AIG1: variants seen among roughly 807,000 people sequenced by gnomAD.
The protein encoded by AIG1 is androgen induced 1, also known as androgen-induced gene 1 protein.
In AIG1, 23 loss-of-function variants were observed where a neutral mutation model predicts 31.4. The ratio of observed to expected loss-of-function variants is 0.73; its 90% CI spans 0.53 to 1.04. The LOEUF (loss-of-function observed/expected upper bound fraction) is 1.04. Among genes scored for constraint, AIG1 ranks in the 50% least tolerant of loss-of-function variants. The pLI is 0.00. For synonymous variants in AIG1, 100 were observed against 110.5 expected, an observed-to-expected ratio of 0.90 and a Z score of 0.60; for missense variants, 274 against 295.0, an observed-to-expected ratio of 0.93 and a Z score of 0.52.
intron 3 of AIG1, among the ~76,000 whole-genome samples, chr6:143,176,417 A>G (rs1788163388): frequency 6.6e-6 from 1 of 151,988 alleles, no homozygotes; most frequent in Non-Finnish European, 1.5e-5. Flanking sequence ...CTCTCAAGAG[A>G]TTGTTTTTTG....
intron 2 of AIG1, among the ~76,000 whole-genome samples, chr6:143,158,540 G>A (rs1441627474): frequency 6.6e-6 from 1 of 152,170 alleles, no homozygotes; most frequent in African/African-American, 2.4e-5. Context: ...TTTCACTTCT[G>A]TTTGTCGTTC....
chr6:143,215,175 A>G (rs914881981), intron 3 of AIG1, among the ~76,000 whole-genome samples: 2 of 152,162 alleles, frequency 1.3e-5, no homozygotes, highest in African/African-American at 4.8e-5. Context: ...ATGCACACCA[A>G]CTGATTAAAC....
At chr6:143,285,390 T>G (rs1340373714) in intron 4 of AIG1, among the ~76,000 whole-genome samples, 2 of 150,512 alleles carry the variant, frequency 1.3e-5, no homozygotes, top group Non-Finnish European at 3.0e-5. Context: ...AGCTGGGTGC[T>G]GTGGCTCACG....
intron 4 of AIG1, among the ~76,000 whole-genome samples, chr6:143,312,619 T>C (rs1466667801): frequency 6.6e-6 from 1 of 151,974 alleles, no homozygotes; most frequent in Non-Finnish European, 1.5e-5. Flanking sequence ...TAAGAAACAT[T>C]GGGGAAATTC....
At chr6:143,078,420 A>G (rs1156688990) in intron 1 of AIG1, among the ~76,000 whole-genome samples, 1 of 152,104 alleles carries the variant, frequency 6.6e-6, no homozygotes, top group Non-Finnish European at 1.5e-5. Flanking sequence ...GGCTCTTTGT[A>G]TGTCAAATTG....
rs571133527 is a variant in AIG1 at position 143,322,794 on chromosome 6, G to A, written c.516-10488G>A. On this transcript the variant is annotated intron_variant, in intron 4 of 5. Coordinates refer to ENST00000357847, the MANE Select transcript of AIG1 (RefSeq NM_016108.4). ...AAGAAAGCACATTACCTCATTACAG[G>A]AATTCATTCTGGGAGGCATTCACAA... Among the ~76,000 whole-genome samples, 14 of 152,334 alleles carry A rather than the reference G, an allele frequency of 9.2e-5. No homozygotes were observed. In the South Asian group the frequency reaches 2.9e-3, roughly 32 times the overall value.
chr6:143,083,499 C>T (rs1461509989), intron 1 of AIG1, among the ~76,000 whole-genome samples: 1 of 152,144 alleles, frequency 6.6e-6, no homozygotes, highest in African/African-American at 2.4e-5. Flanking sequence ...CACTCTGCTT[C>T]CTCTAGTATT....
chr6:143,125,410 C>G (rs1782608921), intron 1 of AIG1, among the ~76,000 whole-genome samples: 1 of 152,176 alleles, frequency 6.6e-6, no homozygotes, highest in Non-Finnish European at 1.5e-5. Flanking sequence ...GTGCTTTGTA[C>G]ATAGCAATCA....
intron 1 of AIG1, among the ~76,000 whole-genome samples, chr6:143,081,099 C>G (rs1416744921): frequency 6.6e-6 from 1 of 152,176 alleles, no homozygotes; most frequent in Admixed American, 6.5e-5. Context: ...CTCATATGGA[C>G]TAAGTCCTGC....
chr6:143,242,083 G>A lies in AIG1; in HGVS notation c.400-42027G>A, dbSNP rs118101976. 2.1e-3 allele frequency among the ~76,000 whole-genome samples: 324 copies of A among 152,184 alleles called. 3 individuals are homozygous for A. The East Asian group carries it at 0.021, about 10-fold the overall frequency. ...GCTGTGTTTTGATCTCTGTCGACACGTCTCCCCCTCCAGGATAAAGAGGAA... is the reference window on the plus strand; with the variant it reads ...GCTGTGTTTTGATCTCTGTCGACACATCTCCCCCTCCAGGATAAAGAGGAA... On this transcript the variant is annotated intron_variant, in intron 3 of 5. Coordinates refer to ENST00000357847, the MANE Select transcript of AIG1 (RefSeq NM_016108.4).
Position 143,297,272 on chromosome 6 carries a change from G to T in AIG1, c.515+13047G>T, listed in dbSNP as rs1347380233. ...CAGATGGCCTAGAAGCAACGGAGAG[G>T]AAACCATAGTCAGGGAGCCAAAGCA... On this transcript the variant is annotated intron_variant, in intron 4 of 5. Coordinates refer to ENST00000357847, the MANE Select transcript of AIG1 (RefSeq NM_016108.4). This position sits in a 1 kb window ranked among gnomAD's most constrained non-coding sequence, Gnocchi z 5.1. Among the ~76,000 whole-genome samples, 2 of 152,142 alleles carry T rather than the reference G, an allele frequency of 1.3e-5. No homozygotes were observed. Among genetic ancestry groups the T allele is most frequent in the Non-Finnish European group, 2.9e-5 (2 of 68,020 alleles).
At chr6:143,142,674 A>G (rs1201954884) in intron 2 of AIG1, among the ~76,000 whole-genome samples, 1 of 152,156 alleles carries the variant, frequency 6.6e-6, no homozygotes, top group Non-Finnish European at 1.5e-5. Flanking sequence ...TGACCTTCTT[A>G]TCTGAGTTTA....
At chr6:143,190,334 CT>C (rs1789676738) in intron 3 of AIG1, 1 of 985,348 alleles carries the variant, frequency 1.0e-6, no homozygotes, top group African/African-American at 1.7e-5. Context: ...GCTTTTGATG[CT>C]TGAGGCTCCT....
chr6:143,305,093 T>G (rs553495566), intron 4 of AIG1, among the ~76,000 whole-genome samples: 1 of 152,346 alleles, frequency 6.6e-6, no homozygotes, highest in Non-Finnish European at 1.5e-5. Context: ...CATTTTTTAT[T>G]GTGTCTATCG....
intron 3 of AIG1, among the ~76,000 whole-genome samples, chr6:143,224,849 C>A (rs1203372600): frequency 1.3e-5 from 2 of 152,164 alleles, no homozygotes; most frequent in African/African-American, 4.8e-5. Context: ...AACCAGGTTC[C>A]TTGCCTTCCA....
Position 143,117,869 on chromosome 6 carries a change from G to A in AIG1, c.142-18966G>A, listed in dbSNP as rs185156494. Among the ~76,000 whole-genome samples, 33 of 152,158 alleles carry A rather than the reference G, an allele frequency of 2.2e-4. No individual in the cohort carries two copies. The East Asian group carries it at 5.8e-3, about 27-fold the overall frequency. ...TACCTTCACTCTGTTCACTGTGGCCGCCTCCAAAAACATTGTGTTTGTTTA... is the reference window on the plus strand; with the variant it reads ...TACCTTCACTCTGTTCACTGTGGCCACCTCCAAAAACATTGTGTTTGTTTA... On this transcript the variant is annotated intron_variant, in intron 1 of 5. Transcript: ENST00000357847.
At chr6:143,217,400 T>A (rs1404263523) in intron 3 of AIG1, among the ~76,000 whole-genome samples, 1 of 152,242 alleles carries the variant, frequency 6.6e-6, no homozygotes, top group Admixed American at 6.5e-5. Flanking sequence ...TACACCCCAC[T>A]CATGGTAAGA....
intron 1 of AIG1, among the ~76,000 whole-genome samples, chr6:143,105,913 G>T (rs1313774357): frequency 6.6e-6 from 1 of 152,236 alleles, no homozygotes; most frequent in South Asian, 2.1e-4. Flanking sequence ...GCTTTTCCAC[G>T]AGGATGCCCA....
chr6:143,187,575 C>A, intron 3 of AIG1: 21 of 1,536,092 alleles, frequency 1.4e-5, no homozygotes, highest in Non-Finnish European at 1.8e-5. Context: ...TGAAAAGCAA[C>A]CTTCTGCAGG....
Sources: allele counts gnomAD v4.1 joint callset (sites outside exome capture counted in the v4.1 genomes callset), GRCh38; gene constraint gnomAD v4.1.1; non-coding constraint Gnocchi (gnomAD v3.1); transcripts MANE v1.5; gene names NCBI Gene and HGNC (gene_info 2026-07-23, HGNC 2026-07-21).